DAPK2: variants seen among roughly 807,000 people sequenced by gnomAD.
The protein encoded by DAPK2 is death associated protein kinase 2, also known as death-associated protein kinase 2.
A neutral mutation model predicts 44.1 loss-of-function variants in DAPK2; 35 were observed. That is an observed-to-expected ratio of 0.79 (90% CI 0.61 to 1.05). DAPK2 has a LOEUF of 1.05. Among genes scored for constraint, DAPK2 ranks in the 50% least tolerant of loss-of-function variants. The pLI is 0.00. For missense variants in DAPK2, 453 were observed against 483.2 expected, an observed-to-expected ratio of 0.94 and a Z score of 0.59; for synonymous variants, 174 against 182.6, an observed-to-expected ratio of 0.95 and a Z score of 0.38.
intron 3 of DAPK2, among the ~76,000 whole-genome samples, chr15:63,950,047 G>C (rs1380843): frequency 6.6e-6 from 1 of 152,010 alleles, no homozygotes; most frequent in Non-Finnish European, 1.5e-5. Flanking sequence ...CATCCTAACA[G>C]ATCTTGCCAG....
intron 1 of DAPK2, among the ~76,000 whole-genome samples, chr15:64,038,228 G>C (rs1047496946): frequency 6.6e-6 from 1 of 152,110 alleles, no homozygotes; most frequent in Non-Finnish European, 1.5e-5. Context: ...TAACTGCCAG[G>C]GTGGAGCTCC....
intron 1 of DAPK2, among the ~76,000 whole-genome samples, chr15:64,006,052 AAAC>A (rs1466227939): frequency 2.6e-5 from 4 of 151,028 alleles, no homozygotes; most frequent in Non-Finnish European, 5.9e-5. Context: ...AAAAAAAAAA[AAAC>A]CCCACAAAAA....
intron 3 of DAPK2, among the ~76,000 whole-genome samples, chr15:63,949,285 G>T (rs1317704172): frequency 1.3e-5 from 2 of 152,210 alleles, no homozygotes; most frequent in Non-Finnish European, 2.9e-5. Flanking sequence ...AAGCAGGAAA[G>T]AAAACCCTAC....
intron 1 of DAPK2, among the ~76,000 whole-genome samples, chr15:63,992,366 T>G (rs1353515850): frequency 1.4e-5 from 2 of 147,424 alleles, no homozygotes; most frequent in Non-Finnish European, 3.0e-5. Context: ...CACCTGCCCA[T>G]GTACTCACCC....
At chr15:64,031,336 AATCCTCCCATCTC>A (rs1465279466) in intron 1 of DAPK2, among the ~76,000 whole-genome samples, 8 of 152,010 alleles carry the variant, frequency 5.3e-5, no homozygotes, top group Middle Eastern at 6.8e-3. Context: ...ATGCTCAAGC[AATCCTCCCATCTC>A]ATCCTCCCAA....
At chr15:64,005,302 C>T (rs1447641295) in intron 1 of DAPK2, among the ~76,000 whole-genome samples, 1 of 151,642 alleles carries the variant, frequency 6.6e-6, no homozygotes, top group African/African-American at 2.4e-5. Context: ...TAATTTCAAA[C>T]CCTTTGATTC....
At chr15:64,001,858 C>T (rs775114304) in intron 1 of DAPK2, among the ~76,000 whole-genome samples, 2 of 152,196 alleles carry the variant, frequency 1.3e-5, no homozygotes, top group Non-Finnish European at 2.9e-5. Context: ...CAATCCACTG[C>T]ATAACAGAAT....
intron 3 of DAPK2, among the ~76,000 whole-genome samples, chr15:63,963,224 T>C (rs1169623416): frequency 6.6e-6 from 1 of 152,080 alleles, no homozygotes; most frequent in African/African-American, 2.4e-5. Flanking sequence ...GGTGGGAGTG[T>C]CCCGATTTTC....
intron 1 of DAPK2, among the ~76,000 whole-genome samples, chr15:64,036,340 T>TATATATATATATATATATATAC (rs1461524929): frequency 8.4e-6 from 1 of 119,750 alleles, no homozygotes; most frequent in East Asian, 2.7e-4. Context: ...TATATATACA[T>TATATATATATATATATATATAC]ATATATATAT....
At chr15:64,001,688 C>T (rs531301044) in intron 1 of DAPK2, among the ~76,000 whole-genome samples, 7 of 152,254 alleles carry the variant, frequency 4.6e-5, no homozygotes, top group South Asian at 4.1e-4. Flanking sequence ...GTTGTACCAG[C>T]GGCATTGACT....
intron 3 of DAPK2, among the ~76,000 whole-genome samples, chr15:63,949,290 C>T (rs2077527815): frequency 6.6e-6 from 1 of 152,192 alleles, no homozygotes; most frequent in Non-Finnish European, 1.5e-5. Flanking sequence ...GGAAAGAAAA[C>T]CCTACCTGCT....
At chr15:64,035,960 G>C (rs2141179601) in intron 1 of DAPK2, among the ~76,000 whole-genome samples, 2 of 152,204 alleles carry the variant, frequency 1.3e-5, no homozygotes, top group South Asian at 4.1e-4. Context: ...GATAGACAAA[G>C]CCTCTAAAGG....
At chr15:63,988,205 A>G (rs1311483756) in intron 1 of DAPK2, among the ~76,000 whole-genome samples, 1 of 152,160 alleles carries the variant, frequency 6.6e-6, no homozygotes, top group African/African-American at 2.4e-5. Flanking sequence ...TGTCAAGATC[A>G]GTGTCACTGG....
chr15:63,983,938 C>T (rs1157155972), intron 1 of DAPK2, among the ~76,000 whole-genome samples, 184 bp from the exon 3 acceptor site: 2 of 152,188 alleles, frequency 1.3e-5, no homozygotes, highest in African/African-American at 4.8e-5. Flanking sequence ...ACTGGGCTTC[C>T]CTTCTGTCCA....
At chr15:64,032,206 G>A (rs190665751) in intron 1 of DAPK2, among the ~76,000 whole-genome samples, 1 of 152,340 alleles carries the variant, frequency 6.6e-6, no homozygotes, top group African/African-American at 2.4e-5. Flanking sequence ...CATGAGGTAT[G>A]ATCAGAGACG....
intron 1 of DAPK2, among the ~76,000 whole-genome samples, chr15:63,995,213 A>C (rs970350048): frequency 4.6e-5 from 7 of 151,578 alleles, no homozygotes; most frequent in Admixed American, 1.3e-4. Context: ...ACAGGGTCTC[A>C]CTCTGTAACC....
intron 8 of DAPK2, chr15:63,922,865 C>T: frequency 6.5e-7 from 1 of 1,535,830 alleles, no homozygotes; most frequent in Non-Finnish European, 8.7e-7. Context: ...CTGGAAGCTG[C>T]CCACCAGCTC....
intron 2 of DAPK2, among the ~76,000 whole-genome samples, chr15:63,981,942 T>C (rs897827590): frequency 1.3e-5 from 2 of 152,184 alleles, no homozygotes; most frequent in Non-Finnish European, 2.9e-5. Flanking sequence ...CAAATGTCCA[T>C]CTGCTACTTA....
intron 2 of DAPK2, among the ~76,000 whole-genome samples, chr15:63,973,347 G>C (rs74455827): frequency 6.6e-6 from 1 of 152,242 alleles, no homozygotes; most frequent in Non-Finnish European, 1.5e-5. Context: ...TATGGGCAGG[G>C]TTGCTCAAAG....
Sources: allele counts gnomAD v4.1 joint callset (sites outside exome capture counted in the v4.1 genomes callset), GRCh38; gene constraint gnomAD v4.1.1; transcripts MANE v1.5; gene names NCBI Gene and HGNC (gene_info 2026-07-23, HGNC 2026-07-21).